The following COL5A2 variants were observed in gnomAD, a reference collection of about 807,000 sequenced individuals.
COL5A2 encodes collagen alpha-2(V) chain.
Under a neutral mutation model 208.2 loss-of-function variants are expected in COL5A2, and 23 were observed. That is an observed-to-expected ratio of 0.11 (90% CI 0.08 to 0.16). The LOEUF is 0.16. COL5A2 is among the 10% of genes least tolerant of loss of function. COL5A2 has a pLI of 1.00. For synonymous variants in COL5A2, 625 were observed against 628.5 expected, an observed-to-expected ratio of 0.99 and a Z score of 0.08; for missense variants, 1,590 against 1,956.4, an observed-to-expected ratio of 0.81 and a Z score of 3.53.
At chr2:189,082,297 T>C (rs1686552432) in intron 12 of COL5A2, among the ~76,000 whole-genome samples, 2 of 152,234 alleles carry the variant, frequency 1.3e-5, no homozygotes, top group South Asian at 2.1e-4. Flanking sequence ...CTGTGACCTC[T>C]TGAAAGAAAA....
At chr2:189,331,018 C>T in the COL5A2 span, among the ~76,000 whole-genome samples, 2 of 151,910 alleles carry the variant, frequency 1.3e-5, no homozygotes. Flanking sequence ...AGTTTTAAAA[C>T]AACATAATAA....
chr2:189,275,782 G>A, the COL5A2 span, among the ~76,000 whole-genome samples: 3 of 152,022 alleles, frequency 2.0e-5, no homozygotes, highest in African/African-American at 7.2e-5. Context: ...AAAAGAGAAT[G>A]CTTTCTTCTA....
the COL5A2 span, among the ~76,000 whole-genome samples, chr2:189,301,393 T>C: frequency 6.6e-5 from 10 of 152,212 alleles, no homozygotes; most frequent in African/African-American, 2.4e-4. Flanking sequence ...TAAATCAGAA[T>C]CATTAAATAC....
At chr2:189,173,027 G>A (rs1688603805) in intron 1 of COL5A2, among the ~76,000 whole-genome samples, 1 of 135,210 alleles carries the variant, frequency 7.4e-6, no homozygotes, top group African/African-American at 2.9e-5. Flanking sequence ...CTGGAGTGCA[G>A]TGGCATGATC....
chr2:189,369,004 G>T, the COL5A2 span, among the ~76,000 whole-genome samples: 1 of 152,146 alleles, frequency 6.6e-6, no homozygotes, highest in Non-Finnish European at 1.5e-5. Context: ...TTTCATTTGT[G>T]CCATGAGAAT....
At chr2:189,307,416 A>G in the COL5A2 span, among the ~76,000 whole-genome samples, 2 of 152,208 alleles carry the variant, frequency 1.3e-5, no homozygotes. Flanking sequence ...GGTAATAAAA[A>G]TTAAAAATTA....
At chr2:189,301,560 A>G in the COL5A2 span, among the ~76,000 whole-genome samples, 3 of 152,186 alleles carry the variant, frequency 2.0e-5, no homozygotes, top group Non-Finnish European at 2.9e-5. Context: ...TGTTTGCCCA[A>G]ATTTTATGGA....
At chr2:189,417,863 C>G in the COL5A2 span, among the ~76,000 whole-genome samples, 18 of 151,524 alleles carry the variant, frequency 1.2e-4, no homozygotes, top group Admixed American at 4.6e-4. Context: ...TGCACACACA[C>G]AATACTTTCT....
At chr2:189,257,689 C>T in the COL5A2 span, among the ~76,000 whole-genome samples, 1 of 152,176 alleles carries the variant, frequency 6.6e-6, no homozygotes, top group Admixed American at 6.5e-5. Context: ...TACCTGTTAC[C>T]CCCTTCCCTC....
intron 1 of COL5A2, among the ~76,000 whole-genome samples, chr2:189,137,596 T>A (rs1017292663): frequency 3.9e-5 from 6 of 152,224 alleles, no homozygotes; most frequent in African/African-American, 1.2e-4. Flanking sequence ...TTGTTAGCCA[T>A]GGATCCAGGA....
At chr2:189,294,390 G>T in the COL5A2 span, among the ~76,000 whole-genome samples, 2 of 152,288 alleles carry the variant, frequency 1.3e-5, no homozygotes, top group Admixed American at 1.3e-4. Context: ...GGCAGAAACA[G>T]TCACATCACA....
rs1685349886 is a variant in COL5A2, at chr2:189,032,250, G to A, written c.*1820C>T. On this transcript the variant is annotated 3_prime_UTR_variant, in exon 54 of 54. Transcript: ENST00000374866. ...TTATTATTACAGTTTATTCAGTCAT[G>A]AAAAATCTATTGCTTGCCCTTTTTA... The A allele has an allele frequency of 6.6e-6, 1 of 152,082 alleles. No individual in the cohort carries two copies. Among genetic ancestry groups the A allele is most frequent in the Non-Finnish European group, 1.5e-5 (1 of 67,978 alleles). 9.4% of individuals were successfully genotyped at this position (152,082 alleles called of 1,614,324 possible).
At chr2:189,414,088 G>A in the COL5A2 span, among the ~76,000 whole-genome samples, 15 of 151,972 alleles carry the variant, frequency 9.9e-5, no homozygotes, top group African/African-American at 1.4e-4. Context: ...CACTGTGCCC[G>A]GCCTTGTGTG....
At chr2:189,047,837 C>T (rs557539105) in intron 45 of COL5A2, among the ~76,000 whole-genome samples, 7 of 152,310 alleles carry the variant, frequency 4.6e-5, no homozygotes, top group South Asian at 2.1e-4. Context: ...TATTCTCATA[C>T]GGCATTCACT....
the COL5A2 span, among the ~76,000 whole-genome samples, chr2:189,373,670 T>C: frequency 3.9e-5 from 6 of 152,156 alleles, no homozygotes; most frequent in Non-Finnish European, 8.8e-5. Context: ...CAATAATTAG[T>C]GTCTGGAAAA....
chr2:189,314,195 T>C, the COL5A2 span, among the ~76,000 whole-genome samples: 1 of 152,054 alleles, frequency 6.6e-6, no homozygotes, highest in African/African-American at 2.4e-5. Flanking sequence ...TAATCAGAAG[T>C]AAAACACTCC....
the COL5A2 span, among the ~76,000 whole-genome samples, chr2:189,249,814 A>G: frequency 1.3e-5 from 2 of 152,004 alleles, no homozygotes; most frequent in Non-Finnish European, 2.9e-5. Context: ...CTCCTACCTC[A>G]GCTTCCCAAG....
chr2:189,302,898 G>A, the COL5A2 span, among the ~76,000 whole-genome samples: 1 of 152,142 alleles, frequency 6.6e-6, no homozygotes, highest in Admixed American at 6.6e-5. Flanking sequence ...AAGCCCAAGA[G>A]TAGTGATGCT....
the COL5A2 span, among the ~76,000 whole-genome samples, chr2:189,248,271 G>C: frequency 6.6e-6 from 1 of 152,150 alleles, no homozygotes; most frequent in Non-Finnish European, 1.5e-5. Context: ...TGGCATTTCA[G>C]AGAAGTTTCC....
Sources: allele counts gnomAD v4.1 joint callset (sites outside exome capture counted in the v4.1 genomes callset), GRCh38; gene constraint gnomAD v4.1.1; transcripts MANE v1.5; gene names NCBI Gene and HGNC (gene_info 2026-07-23, HGNC 2026-07-21).